The following ZNF407 variants were observed in gnomAD, a reference collection of about 807,000 sequenced individuals.
The protein encoded by ZNF407 is zinc finger protein 407.
ZNF407 carries 17 observed loss-of-function variants against 131.2 expected under a neutral mutation model. That is an observed-to-expected ratio of 0.13 (90% CI 0.09 to 0.19). ZNF407 has a LOEUF of 0.19. ZNF407 is among the 10% of genes least tolerant of loss of function. The pLI is 1.00. For synonymous variants in ZNF407, 1,156 were observed against 1,062.0 expected (o/e 1.09, Z -1.72); for missense variants, 2,681 against 2,830.6 (o/e 0.95, Z 1.20).
chr18:74,745,502 C>T (rs371388853), intron 3 of ZNF407, among the ~76,000 whole-genome samples: 113 of 152,232 alleles, frequency 7.4e-4, no homozygotes, highest in Middle Eastern at 6.8e-3. Context: ...TCTATTCTTG[C>T]CTTCTTTATA....
chr18:74,783,265 T>C lies in ZNF407; in HGVS notation c.4877+1763T>C, dbSNP rs185524689. Among the ~76,000 whole-genome samples the C allele has an allele frequency of 2.4e-3, 358 of 152,330 alleles. 3 individuals carry two copies. Among genetic ancestry groups the C allele is most frequent in the African/African-American group, 8.2e-3 (342 of 41,570 alleles). ...ATAAATGATGGAACTGTTACTTTTCTGACTCTGATTTCAAAATAAATTTGA... is the reference window on the plus strand; with the variant it reads ...ATAAATGATGGAACTGTTACTTTTCCGACTCTGATTTCAAAATAAATTTGA... On this transcript the variant is annotated intron_variant, in intron 4 of 8. Transcript: ENST00000299687.
At chr18:74,793,882 C>G (rs1187887881) in intron 4 of ZNF407, among the ~76,000 whole-genome samples, 1 of 152,184 alleles carries the variant, frequency 6.6e-6, no homozygotes, top group East Asian at 1.9e-4. Flanking sequence ...CAAGTCTTCT[C>G]AAATGGGGTG....
chr18:74,892,215 A>G (rs1030967378), intron 7 of ZNF407, among the ~76,000 whole-genome samples: 9 of 152,324 alleles, frequency 5.9e-5, no homozygotes, highest in African/African-American at 2.2e-4. Context: ...TAGCCGCAGC[A>G]TCCAGTTTCT....
At chr18:74,834,528 C>G (rs1202388327) in intron 4 of ZNF407, among the ~76,000 whole-genome samples, 1 of 152,208 alleles carries the variant, frequency 6.6e-6, no homozygotes, top group Non-Finnish European at 1.5e-5. Flanking sequence ...CTAGAAATAA[C>G]TCCAGACTGG....
chr18:74,699,066 C>A (rs776913273), intron 3 of ZNF407, among the ~76,000 whole-genome samples: 1 of 152,116 alleles, frequency 6.6e-6, no homozygotes, highest in African/African-American at 2.4e-5. Flanking sequence ...CATCCCTTCC[C>A]GCTCTCTCTC....
rs2144774295 is a variant in ZNF407 at position 74,679,859 on chromosome 18, C to G, written c.4802+38737C>G. Among the ~76,000 whole-genome samples, 2 of 152,338 alleles carry G rather than the reference C, an allele frequency of 1.3e-5. 1 individual carries two copies. The highest frequency in any genetic ancestry group is 4.1e-4 in the South Asian group (2 of 4,828). On this transcript the variant is annotated intron_variant, in intron 3 of 8. Coordinates refer to ENST00000299687, the MANE Select transcript of ZNF407 (RefSeq NM_017757.3). ...TTATAGATTGTATGTTTCAGATCAT[C>G]AGTGGTTCTTCATGTGGCATGGCAC...
intron 4 of ZNF407, among the ~76,000 whole-genome samples, chr18:74,844,771 G>T (rs1401367307): frequency 6.6e-6 from 1 of 152,160 alleles, no homozygotes. Context: ...TTAAGGTCCT[G>T]TCCTAGGGAA....
chr18:74,689,837 A>G (rs186800158), intron 3 of ZNF407, among the ~76,000 whole-genome samples: 3 of 152,296 alleles, frequency 2.0e-5, no homozygotes, highest in Admixed American at 6.5e-5. Context: ...ATGGCAGATA[A>G]CAGCTGGGGG....
At chr18:74,913,537 A>G (rs930488039) in intron 7 of ZNF407, among the ~76,000 whole-genome samples, 5 of 152,160 alleles carry the variant, frequency 3.3e-5, no homozygotes, top group Non-Finnish European at 5.9e-5. Context: ...GTGGTGAGAA[A>G]AGAATATAAG....
intron 8 of ZNF407, among the ~76,000 whole-genome samples, chr18:74,952,681 G>A (rs1316734889): frequency 6.6e-6 from 1 of 152,182 alleles, no homozygotes; most frequent in Non-Finnish European, 1.5e-5. Flanking sequence ...CAGTTTTATT[G>A]AGGCATAATT....
chr18:75,005,020 A>G (rs1352394691), intron 8 of ZNF407, among the ~76,000 whole-genome samples: 2 of 152,230 alleles, frequency 1.3e-5, no homozygotes, highest in Non-Finnish European at 2.9e-5. Flanking sequence ...GGAGTTTGAT[A>G]TGACATATTG....
chr18:75,021,225 GTATTTA>G (rs1973105909), intron 8 of ZNF407, among the ~76,000 whole-genome samples: 1 of 151,762 alleles, frequency 6.6e-6, no homozygotes. Flanking sequence ...GAATATATAT[GTATTTA>G]TATTTGTGTG....
chr18:74,779,279 C>T (rs1969550110), intron 3 of ZNF407, among the ~76,000 whole-genome samples: 1 of 151,118 alleles, frequency 6.6e-6, no homozygotes, highest in Middle Eastern at 3.2e-3. Flanking sequence ...CCACACCCGG[C>T]TAATTTTTGT....
intron 8 of ZNF407, among the ~76,000 whole-genome samples, chr18:74,985,248 C>A (rs1255296328): frequency 6.6e-6 from 1 of 151,984 alleles, no homozygotes; most frequent in African/African-American, 2.4e-5. Flanking sequence ...CTTAAAATAC[C>A]CTTTATACAT....
At chr18:74,834,138 A>G (rs1599184748) in intron 4 of ZNF407, among the ~76,000 whole-genome samples, 1 of 152,230 alleles carries the variant, frequency 6.6e-6, no homozygotes, top group East Asian at 1.9e-4. Context: ...CAGTAAAACA[A>G]AATCACCGAT....
chr18:74,889,796 A>G, intron 6 of ZNF407, 122 bp from the exon 7 acceptor site: 1 of 867,014 alleles, frequency 1.2e-6, no homozygotes, highest in Non-Finnish European at 1.7e-6. Context: ...TGTGGAGTCC[A>G]TTGAATCATA....
Position 75,064,163 on chromosome 18 carries a change from A to C in ZNF407, c.6442A>C (p.Thr2148Pro). The C allele has an allele frequency of 1.9e-6, 3 of 1,605,196 alleles. No individual in the cohort carries two copies. The highest frequency in any genetic ancestry group is 2.6e-6 in the Non-Finnish European group (3 of 1,176,244). Reference protein sequence around the residue: ...SDGEISQIIVTEELVQAMVQE... With the variant: ...SDGEISQIIVPEELVQAMVQE... ...CGGGGAGATCTCGCAGATCATCGTG[A>C]CGGAGGAGCTGGTCCAGGCCATGGT... The change falls in exon 9 of 9, where the codon ACG becomes CCG. Residue 2148 changes from threonine (T) to proline (P), a missense_variant. By Grantham distance (38) the Thr-to-Pro change is conservative. Around this residue, in one of 6 missense-constraint regions of ZNF407, gnomAD observed 620 missense variants for 583.1 expected, o/e 1.06. Coordinates refer to ENST00000299687, the MANE Select transcript of ZNF407 (RefSeq NM_017757.3).
chr18:75,046,947 TA>T (rs1237558349), intron 8 of ZNF407, among the ~76,000 whole-genome samples: 8 of 152,164 alleles, frequency 5.3e-5, no homozygotes, highest in Non-Finnish European at 1.0e-4. Flanking sequence ...CTCTGTAGGT[TA>T]AAAAGTATCT....
chr18:74,611,253 T>C (rs1983047870), intron 1 of ZNF407, among the ~76,000 whole-genome samples: 1 of 152,186 alleles, frequency 6.6e-6, no homozygotes, highest in African/African-American at 2.4e-5. Context: ...TCACAGAGGG[T>C]GCAGACCATA....
Sources: gnomAD v4.1 joint callset for allele counts (sites outside exome capture counted in the v4.1 genomes callset) on GRCh38, gnomAD v4.1.1 for gene constraint, gnomAD v4.1.1 regional missense constraint, MANE v1.5 for transcripts, NCBI Gene and HGNC (gene_info 2026-07-23, HGNC 2026-07-21) for gene names.